The following TRIO variants were observed in gnomAD, a reference collection of about 807,000 sequenced individuals.
TRIO encodes the protein triple functional domain protein.
Under a neutral mutation model 351.9 loss-of-function variants are expected in TRIO, and 58 were observed. That is an observed-to-expected ratio of 0.16 (90% CI 0.13 to 0.21). The LOEUF is 0.21. Ranked by LOEUF, TRIO falls within the 10% of genes least tolerant of loss-of-function variation. The pLI is 1.00. For missense variants in TRIO, 3,201 were observed against 4,027.8 expected, an observed-to-expected ratio of 0.79 and a Z score of 5.56; for synonymous variants, 1,758 against 1,595.7, an observed-to-expected ratio of 1.10 and a Z score of -2.42.
chr5:14,430,438 G>A (rs919317940), intron 34 of TRIO, among the ~76,000 whole-genome samples: 13 of 152,014 alleles, frequency 8.6e-5, no homozygotes, highest in African/African-American at 3.1e-4. Context: ...CAAATAAATG[G>A]CAGTGATTTC....
intron 6 of TRIO, among the ~76,000 whole-genome samples, chr5:14,295,877 C>T (rs547983118): frequency 4.1e-4 from 62 of 152,290 alleles, no homozygotes; most frequent in Admixed American, 1.1e-3. Context: ...AGATGCAGCC[C>T]GGAGATGTAA....
intron 1 of TRIO, among the ~76,000 whole-genome samples, chr5:14,202,469 T>G (rs369694802): frequency 1.6e-4 from 24 of 151,932 alleles, no homozygotes; most frequent in African/African-American, 5.3e-4. Flanking sequence ...TTTTGAATAC[T>G]GTAGCTCATG....
At chr5:14,465,446 C>T (rs774731780) in intron 36 of TRIO, 99 bp from the exon 37 acceptor site, 182 of 1,178,926 alleles carry the variant, frequency 1.5e-4, no homozygotes, top group Non-Finnish European at 2.2e-4. Flanking sequence ...TCTGGAATTA[C>T]TTTCACAAGA....
At chr5:14,176,432 C>A (rs1408598555) in intron 1 of TRIO, among the ~76,000 whole-genome samples, 1 of 152,002 alleles carries the variant, frequency 6.6e-6, no homozygotes. Context: ...ATCGCGCCAC[C>A]GCACCCCAGC....
At chr5:14,330,978 G>A in intron 10 of TRIO, 78 bp downstream of exon 10, 12 of 1,588,460 alleles carry the variant, frequency 7.6e-6, no homozygotes, top group Non-Finnish European at 1.0e-5. Flanking sequence ...AACCACATTT[G>A]AGATAAGTTA....
At chr5:14,388,065 G>A (rs1240633864) in intron 23 of TRIO, 6 of 546,132 alleles carry the variant, frequency 1.1e-5, no homozygotes, top group Non-Finnish European at 1.6e-5. Flanking sequence ...CTGTGCCTGT[G>A]TTTCATTTGG....
intron 31 of TRIO, among the ~76,000 whole-genome samples, chr5:14,404,109 T>C (rs1460448506): frequency 3.3e-5 from 5 of 151,592 alleles, no homozygotes; most frequent in Non-Finnish European, 7.4e-5. Context: ...TAGGCAGTGG[T>C]AGAAGTAGAG....
chr5:14,301,202 TC>T (rs1199083331), intron 7 of TRIO, among the ~76,000 whole-genome samples: 1 of 152,054 alleles, frequency 6.6e-6, no homozygotes, highest in East Asian at 1.9e-4. Context: ...ACTGTTCCCC[TC>T]CTCTGCTTGC....
At chr5:14,246,334 G>A (rs900505997) in intron 1 of TRIO, among the ~76,000 whole-genome samples, 1 of 152,166 alleles carries the variant, frequency 6.6e-6, no homozygotes, top group Non-Finnish European at 1.5e-5. Context: ...GGGCTGGGAG[G>A]TACATGTGTT....
chr5:14,260,209 G>A (rs970081809), intron 1 of TRIO, among the ~76,000 whole-genome samples: 3 of 152,132 alleles, frequency 2.0e-5, no homozygotes, highest in Non-Finnish European at 4.4e-5. Context: ...TAGTGTCAGC[G>A]ATAGATACAG....
chr5:14,253,359 T>G (rs560198372), intron 1 of TRIO, among the ~76,000 whole-genome samples: 11 of 152,316 alleles, frequency 7.2e-5, no homozygotes, highest in Non-Finnish European at 2.9e-5. Context: ...AGGATTTTAT[T>G]TATGTATTTA....
At chr5:14,492,401 C>G in intron 48 of TRIO, 166 bp from the exon 49 acceptor site, 2 of 829,028 alleles carry the variant, frequency 2.4e-6, no homozygotes, top group South Asian at 3.7e-5. Context: ...TAGATGCACA[C>G]AGTTAGCCAG....
chr5:14,350,419 C>A (rs1014837292), intron 11 of TRIO, among the ~76,000 whole-genome samples: 21 of 152,110 alleles, frequency 1.4e-4, no homozygotes, highest in Admixed American at 7.2e-4. Context: ...ATAAAAAAAA[C>A]CCCAAAGTCA....
At chr5:14,247,780 C>T (rs1341465021) in intron 1 of TRIO, among the ~76,000 whole-genome samples, 2 of 152,066 alleles carry the variant, frequency 1.3e-5, no homozygotes, top group Non-Finnish European at 2.9e-5. Flanking sequence ...GAAATATAGA[C>T]CACTAGGCAG....
chr5:14,480,736 T>C (rs1411098218), intron 43 of TRIO, among the ~76,000 whole-genome samples: 1 of 152,204 alleles, frequency 6.6e-6, no homozygotes, highest in Admixed American at 6.5e-5. Flanking sequence ...GTACTGCAGC[T>C]TGAAATCTAC....
chr5:14,278,664 G>T lies in TRIO; in HGVS notation c.233-1658G>T, dbSNP rs1008196948. Among the ~76,000 whole-genome samples the T allele has an allele frequency of 2.0e-5, 3 of 152,168 alleles. No individual in the cohort carries two copies. In the East Asian group the frequency reaches 5.8e-4, roughly 29 times the overall value. ...TTGGGAAACGAAAAATATTGAAATT[G>T]TTAATCTGTCTTATCTTGGGGATGA... On this transcript the variant is annotated intron_variant, in intron 2 of 56. Coordinates refer to ENST00000344204, the MANE Select transcript of TRIO (RefSeq NM_007118.4).
intron 1 of TRIO, among the ~76,000 whole-genome samples, chr5:14,175,378 T>A (rs1789345363): frequency 6.6e-6 from 1 of 152,248 alleles, no homozygotes; most frequent in South Asian, 2.1e-4. Context: ...TACTTAGAAC[T>A]TCTTTGTCCC....
intron 55 of TRIO, among the ~76,000 whole-genome samples, chr5:14,504,837 A>G (rs1036021432): frequency 2.0e-5 from 3 of 151,770 alleles, no homozygotes; most frequent in African/African-American, 4.9e-5. Context: ...AACACCTGAT[A>G]TGCTCAGCCA....
At chr5:14,319,117 T>C (rs1202177134) in intron 9 of TRIO, among the ~76,000 whole-genome samples, 3 of 152,256 alleles carry the variant, frequency 2.0e-5, no homozygotes, top group Non-Finnish European at 2.9e-5. Context: ...GCCAGTTCTT[T>C]AAGCTAGCTT....
Sources: allele counts gnomAD v4.1 joint callset (sites outside exome capture counted in the v4.1 genomes callset), GRCh38; gene constraint gnomAD v4.1.1; transcripts MANE v1.5; gene names NCBI Gene and HGNC (gene_info 2026-07-23, HGNC 2026-07-21).